SLC25A26: variants seen among roughly 807,000 people sequenced by gnomAD.
The protein encoded by SLC25A26 is solute carrier family 25 member 26.
Under a neutral mutation model 37.8 loss-of-function variants are expected in SLC25A26, and 36 were observed. The ratio of observed to expected loss-of-function variants is 0.95; its 90% confidence interval spans 0.73 to 1.26. The LOEUF (loss-of-function observed/expected upper bound fraction) is 1.26, where lower values mean the gene tolerates loss of function less well. Ranked by LOEUF, SLC25A26 falls within the 50% of genes most tolerant of loss-of-function variation. The pLI is 0.00. For synonymous variants in SLC25A26, 129 were observed against 122.5 expected (o/e 1.05, Z -0.35); for missense variants, 390 against 331.1 (o/e 1.18, Z -1.38).
At chr3:66,263,498 G>A (rs2073615987) in intron 5 of SLC25A26, 119 bp downstream of exon 5, 9 of 689,240 alleles carry the variant, frequency 1.3e-5, no homozygotes, top group Middle Eastern at 2.5e-4. Context: ...AAATCAAAAA[G>A]GGAAATTATC....
intron 1 of SLC25A26, among the ~76,000 whole-genome samples, chr3:66,181,876 C>T (rs1014350627): frequency 2.3e-5 from 3 of 128,794 alleles, no homozygotes; most frequent in African/African-American, 8.9e-5. Context: ...CGTGTCTTTT[C>T]TCTTGTTCGT....
At chr3:66,262,181 T>A in intron 4 of SLC25A26, 26 bp downstream of exon 4, 1 of 1,215,136 alleles carries the variant, frequency 8.2e-7, no homozygotes, top group Non-Finnish European at 1.2e-6. Flanking sequence ...TAAGCTCTTC[T>A]TTTCTTTATT....
chr3:66,311,808 A>G (rs529428281), intron 5 of SLC25A26, among the ~76,000 whole-genome samples: 27 of 152,224 alleles, frequency 1.8e-4, no homozygotes, highest in African/African-American at 5.1e-4. Flanking sequence ...GTGCCTGGGT[A>G]TCACCACCAG....
At chr3:66,334,823 A>T (rs1187743703) in intron 5 of SLC25A26, among the ~76,000 whole-genome samples, 1 of 152,046 alleles carries the variant, frequency 6.6e-6, no homozygotes, top group Non-Finnish European at 1.5e-5. Flanking sequence ...TACACGTGTG[A>T]TGTATGCCAC....
chr3:66,251,312 G>T (rs1018886467), intron 3 of SLC25A26, among the ~76,000 whole-genome samples: 25 of 152,142 alleles, frequency 1.6e-4, no homozygotes, highest in African/African-American at 6.0e-4. Context: ...TGGGGCAGAG[G>T]GATGCAGAGG....
intron 5 of SLC25A26, among the ~76,000 whole-genome samples, chr3:66,287,213 G>A (rs1200333535): frequency 6.6e-5 from 10 of 151,658 alleles, no homozygotes; most frequent in Non-Finnish European, 1.2e-4. Flanking sequence ...GGAGAATAGC[G>A]TGAACCTGGG....
At chr3:66,153,045 G>A (rs2106695496) in intron 1 of SLC25A26, among the ~76,000 whole-genome samples, 1 of 152,314 alleles carries the variant, frequency 6.6e-6, no homozygotes, top group Admixed American at 6.5e-5. Context: ...AAGGCTAGGA[G>A]CCATTTACCT....
intron 3 of SLC25A26, among the ~76,000 whole-genome samples, chr3:66,246,865 GT>G (rs2072867654): frequency 6.6e-6 from 1 of 152,058 alleles, no homozygotes; most frequent in Admixed American, 6.6e-5. Context: ...GAGAATCTTT[GT>G]TTTTATTTTG....
chr3:66,265,229 C>T (rs942774988), intron 5 of SLC25A26, among the ~76,000 whole-genome samples: 12 of 151,990 alleles, frequency 7.9e-5, no homozygotes, highest in African/African-American at 2.7e-4. Context: ...ACTGCTTGAG[C>T]CTGGGATGTC....
At position 66,322,266 on chromosome 3, in the gene SLC25A26, A is replaced by G. The variant is rs116267774; in HGVS notation, c.454-24098A>G. 8.3e-4 allele frequency among the ~76,000 whole-genome samples: 126 copies of G among 152,336 alleles called. 1 individual carries two copies. The highest frequency in any genetic ancestry group is 3.0e-3 in the African/African-American group (123 of 41,582). On this transcript the variant is annotated intron_variant, in intron 5 of 9. Transcript: ENST00000354883. ...TTCACTAGTTTGATGCATGCTTTAG[A>G]TTTTTAAAATATAGGACACTTTTAC... is the stretch of plus-strand genomic sequence containing the variant.
rs555197336 is a variant in SLC25A26 at position 66,228,818 on chromosome 3, A to T, written c.33+7691A>T. Among the ~76,000 whole-genome samples, 7 of 152,346 alleles carry T rather than the reference A, an allele frequency of 4.6e-5. 1 individual carries two copies. In the South Asian group the frequency reaches 1.2e-3, roughly 27 times the overall value. On this transcript the variant is annotated intron_variant, in intron 1 of 9. Coordinates refer to ENST00000354883, the MANE Select transcript of SLC25A26 (RefSeq NM_001379210.1). ...GTTTGAATTCAAGAATCATAAAGCA[A>T]TTTGAACACTTATATTTCTCTTTAA...
chr3:66,367,278 A>C (rs2076843963), intron 7 of SLC25A26, among the ~76,000 whole-genome samples: 3 of 152,178 alleles, frequency 2.0e-5, no homozygotes. Flanking sequence ...CAGAAAACTG[A>C]GGCCACTAGG....
chr3:66,376,122 C>G (rs1483599700), intron 9 of SLC25A26, among the ~76,000 whole-genome samples: 1 of 151,144 alleles, frequency 6.6e-6, no homozygotes, highest in Non-Finnish European at 1.5e-5. Context: ...AGAATTGCCA[C>G]AATCTCATGA....
chr3:66,154,540 C>CTTTTTTT (rs60639995), intron 1 of SLC25A26, among the ~76,000 whole-genome samples: 9 of 130,394 alleles, frequency 6.9e-5, no homozygotes, highest in African/African-American at 8.7e-5. Context: ...TTCTTTTTTT[C>CTTTTTTT]TTTTTTTTTT....
intron 1 of SLC25A26, among the ~76,000 whole-genome samples, chr3:66,204,190 C>T (rs1291544077): frequency 1.3e-5 from 2 of 151,954 alleles, no homozygotes; most frequent in Non-Finnish European, 2.9e-5. Context: ...CTTTGGGAGG[C>T]CGAGATGGGC....
At chr3:66,335,937 G>A (rs1313786338) in intron 5 of SLC25A26, among the ~76,000 whole-genome samples, 1 of 152,288 alleles carries the variant, frequency 6.6e-6, no homozygotes, top group Non-Finnish European at 1.5e-5. Flanking sequence ...GAGTAGATGA[G>A]TAGGCAGGTG....
At chr3:66,347,278 A>G (rs74875957) in intron 6 of SLC25A26, among the ~76,000 whole-genome samples, 2 of 152,156 alleles carry the variant, frequency 1.3e-5, no homozygotes, top group South Asian at 4.2e-4. Flanking sequence ...AATTTACAAG[A>G]AAAAAACAAA....
At chr3:66,206,705 C>CT (rs1315135962) in intron 1 of SLC25A26, among the ~76,000 whole-genome samples, 5,422 of 132,840 alleles carry the variant, frequency 0.041, 125 homozygotes, top group Non-Finnish European at 0.059. Flanking sequence ...CTTACAGGTT[C>CT]TTTTTTTTTT....
chr3:66,302,925 GAT>G, intron 5 of SLC25A26, among the ~76,000 whole-genome samples: 1 of 152,272 alleles, frequency 6.6e-6, no homozygotes, highest in East Asian at 1.9e-4. Context: ...GATAAAGAAA[GAT>G]AACTGATGCC....
Sources: gnomAD v4.1 joint callset for allele counts (sites outside exome capture counted in the v4.1 genomes callset) on GRCh38, gnomAD v4.1.1 for gene constraint, MANE v1.5 for transcripts, NCBI Gene and HGNC (gene_info 2026-07-23, HGNC 2026-07-21) for gene names.